KRAS: variants seen among roughly 807,000 people sequenced by gnomAD.
The protein encoded by KRAS is GTPase KRas.
In KRAS, 1 loss-of-function variant was observed where a neutral mutation model predicts 21.0. The ratio of observed to expected loss-of-function variants is 0.05; its 90% CI spans 0.02 to 0.23. The LOEUF (loss-of-function observed/expected upper bound fraction) is 0.23, where lower values mean the gene tolerates loss of function less well. Ranked by LOEUF, KRAS falls within the 10% of genes least tolerant of loss-of-function variation. The pLI is 1.00. For synonymous variants in KRAS, 67 were observed against 72.5 expected, an observed-to-expected ratio of 0.92 and a Z score of 0.39; for missense variants, 107 against 221.8, an observed-to-expected ratio of 0.48 and a Z score of 3.29.
Position 25,205,924 on chromosome 12 carries a change from A to T in KRAS, c.*3871T>A. ...CAATGCAGAATTCATGCTATCCAGT[A>T]TTAACACAGAAGTTACTAAATATAA... On this transcript the variant is annotated 3_prime_UTR_variant, in exon 5 of 5. Coordinates refer to ENST00000311936, the MANE Select transcript of KRAS (RefSeq NM_004985.5). The T allele has an allele frequency of 4.6e-6, 1 of 215,268 alleles. No individual in the cohort carries two copies. Among genetic ancestry groups the T allele is most frequent in the Non-Finnish European group, 9.4e-6 (1 of 106,690 alleles). The allele number at this position is 215,268 out of a possible 1,614,324, so 13.3% of individuals were successfully genotyped here.
rs997653618 is a variant in KRAS at position 25,227,499 on chromosome 12, T to G, written c.112-87A>C. The G allele has an allele frequency of 6.4e-6, 8 of 1,258,314 alleles. No homozygotes were observed. In the African/African-American group the frequency reaches 1.0e-4, roughly 16 times the overall value. 77.9% of individuals were successfully genotyped at this position (1,258,314 alleles called of 1,614,324 possible). On this transcript the variant is annotated intron_variant, in intron 2 of 4. Coordinates refer to ENST00000311936, the MANE Select transcript of KRAS (RefSeq NM_004985.5). ...TATATACAACTCAACAACAAAAAAT[T>G]CAATTTAAAAATGGGCAAAGGACTT...
chr12:25,217,606 C>G (rs558565191), intron 4 of KRAS, among the ~76,000 whole-genome samples: 3 of 152,268 alleles, frequency 2.0e-5, no homozygotes, highest in African/African-American at 7.2e-5. Context: ...TTCGTTGGCA[C>G]TTTAAGTTAG....
intron 4 of KRAS, among the ~76,000 whole-genome samples, chr12:25,224,827 T>A (rs763314268): frequency 4.2e-4 from 64 of 152,278 alleles, no homozygotes; most frequent in Non-Finnish European, 6.2e-4. Flanking sequence ...GTTTGCACAA[T>A]GACAAAATCA....
At chr12:25,229,039 CA>C (rs1565885693) in intron 2 of KRAS, among the ~76,000 whole-genome samples, 1 of 152,054 alleles carries the variant, frequency 6.6e-6, no homozygotes, top group East Asian at 1.9e-4. Context: ...AGCCTGGCAA[CA>C]GAGCAAGGCT....
chr12:25,241,032 A>G (rs2135800912), intron 2 of KRAS, among the ~76,000 whole-genome samples: 1 of 152,316 alleles, frequency 6.6e-6, no homozygotes. Flanking sequence ...TCCTGAGTGC[A>G]TGCAAAGAAG....
intron 2 of KRAS, chr12:25,234,716 A>C (rs563313533): frequency 2.6e-4 from 50 of 189,462 alleles, no homozygotes; most frequent in African/African-American, 1.1e-3. Context: ...ATTCAAGATA[A>C]GATAACCTCA....
rs528374269 is a variant in KRAS, at chr12:25,227,673, AC to A, written c.112-262del. On this transcript the variant is annotated intron_variant, in intron 2 of 4. Transcript: ENST00000311936. ...ATTAGGATTGGCTATTATTAAAAAA[AC>A]AAAACAAAAAAACTCAAAAAATGGA... 4.4e-3 allele frequency among the ~76,000 whole-genome samples: 677 copies of A among 152,326 alleles called. 2 individuals are homozygous for A. The highest frequency in any genetic ancestry group is 7.2e-3 in the Non-Finnish European group (493 of 68,030).
At chr12:25,218,283 A>G (rs1330127396) in intron 4 of KRAS, among the ~76,000 whole-genome samples, 4 of 152,136 alleles carry the variant, frequency 2.6e-5, no homozygotes, top group Non-Finnish European at 5.9e-5. Flanking sequence ...ACTATGAAGG[A>G]GAAAAACAGT....
At chr12:25,217,409 G>A (rs1951267774) in intron 4 of KRAS, among the ~76,000 whole-genome samples, 1 of 152,012 alleles carries the variant, frequency 6.6e-6, no homozygotes, top group South Asian at 2.1e-4. Flanking sequence ...TTCAAAGGCA[G>A]GCATTTAAGT....
rs776211820 is a variant in KRAS at position 25,206,718 on chromosome 12, A to G, written c.*3077T>C. On this transcript the variant is annotated 3_prime_UTR_variant, in exon 5 of 5. Coordinates refer to ENST00000311936, the MANE Select transcript of KRAS (RefSeq NM_004985.5). ...CTGTAGTTTCACATAGCAATTCAGA[A>G]ATCATAGTGATTTTTACATAGAAGT... 5.6e-5 allele frequency: 11 copies of G among 197,962 alleles called. No homozygotes were observed. Among genetic ancestry groups the G allele is most frequent in the South Asian group, 1.9e-4 (1 of 5,200 alleles). 12.3% of individuals were successfully genotyped at this position (197,962 alleles called of 1,614,324 possible). A position where few individuals can be genotyped will look rare whatever the true frequency, so the allele number is the denominator to read the frequency against.
At chr12:25,235,381 A>G (rs1320550354) in intron 2 of KRAS, among the ~76,000 whole-genome samples, 1 of 152,218 alleles carries the variant, frequency 6.6e-6, no homozygotes, top group East Asian at 1.9e-4. Context: ...GAATTATAAT[A>G]GGGAAGAAAC....
chr12:25,211,936 G>GA (rs1405243186), intron 4 of KRAS, among the ~76,000 whole-genome samples: 1 of 152,152 alleles, frequency 6.6e-6, no homozygotes, highest in Non-Finnish European at 1.5e-5. Flanking sequence ...TCCCACAGGA[G>GA]AAAGGAAAAG....
At chr12:25,233,809 A>G (rs190507287) in intron 2 of KRAS, 240 of 203,096 alleles carry the variant, frequency 1.2e-3, no homozygotes, top group African/African-American at 5.2e-3. Flanking sequence ...TAAATAAGTG[A>G]ATGAATCCAT....
intron 1 of KRAS, among the ~76,000 whole-genome samples, chr12:25,247,573 T>A (rs1951700482): frequency 6.6e-6 from 1 of 152,240 alleles, no homozygotes; most frequent in Admixed American, 6.5e-5. Flanking sequence ...GCTCTCTGCC[T>A]ACCCCAACCT....
intron 2 of KRAS, among the ~76,000 whole-genome samples, chr12:25,236,020 C>T (rs1428473854): frequency 1.3e-4 from 20 of 152,202 alleles, no homozygotes; most frequent in African/African-American, 4.8e-4. Context: ...CACCTCCTTC[C>T]GGCTGTGCAG....
chr12:25,244,302 A>G (rs1449492115), intron 2 of KRAS, among the ~76,000 whole-genome samples: 1 of 152,216 alleles, frequency 6.6e-6, no homozygotes, highest in Non-Finnish European at 1.5e-5. Context: ...GGACTGCTTA[A>G]CCCAGGGTAA....
rs104894361 is a variant in KRAS, at chr12:25,245,370, T to C, written c.15A>G (p.Lys5=). The C allele has an allele frequency of 7.4e-6, 12 of 1,611,926 alleles. No individual in the cohort carries two copies. The highest frequency in any genetic ancestry group is 1.0e-5 in the Non-Finnish European group (12 of 1,178,862). The change falls in exon 2 of 5, where the codon AAA becomes AAG. Residue 5 remains lysine, a synonymous_variant. Transcript: ENST00000311936. MTEY[K]LVVVGAGGVG... ...CGCCACCAGCTCCAACTACCACAAG[T>C]TTATATTCAGTCATTTTCAGCAGGC...
intron 1 of KRAS, among the ~76,000 whole-genome samples, chr12:25,247,987 A>G (rs1018574663): frequency 3.9e-5 from 6 of 152,282 alleles, no homozygotes; most frequent in African/African-American, 1.2e-4. Context: ...TACGGTAAAT[A>G]TTAATAAATC....
chr12:25,227,102 A>T (rs1257112033), intron 3 of KRAS, 132 bp downstream of exon 3: 5 of 597,976 alleles, frequency 8.4e-6, no homozygotes, highest in Non-Finnish European at 1.1e-5. Flanking sequence ...TAAAACAGGG[A>T]TATTACCTAC....
Sources: allele counts gnomAD v4.1 joint callset (sites outside exome capture counted in the v4.1 genomes callset), GRCh38; gene constraint gnomAD v4.1.1; transcripts MANE v1.5; gene names NCBI Gene and HGNC (gene_info 2026-07-23, HGNC 2026-07-21).